CSMD1: variants seen among roughly 807,000 people sequenced by gnomAD.
CSMD1 encodes the protein CUB and sushi domain-containing protein 1.
CSMD1 carries 213 observed loss-of-function variants against 417.5 expected under a neutral mutation model. The observed-to-expected ratio is 0.51, with a 90% CI of 0.46 to 0.57. The LOEUF (loss-of-function observed/expected upper bound fraction) is 0.57, where lower values mean the gene tolerates loss of function less well. Ranked by LOEUF, CSMD1 falls within the 20% of genes least tolerant of loss-of-function variation. The probability of loss-of-function intolerance (pLI) is 0.00; values close to 1 mark genes in which losing one functional copy is unlikely to be tolerated. For missense variants in CSMD1, 6,923 were observed against 4,529.7 expected, an observed-to-expected ratio of 1.53 and a Z score of -15.17; for synonymous variants, 2,862 against 1,736.8, an observed-to-expected ratio of 1.65 and a Z score of -16.11.
chr8:4,553,383 C>A (rs997571237), intron 2 of CSMD1, among the ~76,000 whole-genome samples: 1 of 150,864 alleles, frequency 6.6e-6, no homozygotes, highest in Admixed American at 6.6e-5. Flanking sequence ...TATAAGGCTT[C>A]ATTTTGTATT....
chr8:3,406,096 A>G lies in CSMD1; in HGVS notation c.2197T>C (p.Ser733Pro), dbSNP rs1585115695. ...CDDGFVKTQG[S>P]ESITCILQDG... ...TGCAGTATGCAGGTAATGGACTCGGATCCCTGGGTCTTGACAAAGCCATCA... is the reference window on the plus strand; with the variant it reads ...TGCAGTATGCAGGTAATGGACTCGGGTCCCTGGGTCTTGACAAAGCCATCA... The change falls in exon 15 of 70, where the codon TCC becomes CCC. Residue 733 changes from serine to proline, a missense_variant. Physicochemically the swap from Ser to Pro is moderately conservative, Grantham distance 74. Transcript: ENST00000635120. 1 of 1,613,924 alleles carries G rather than the reference A, an allele frequency of 6.2e-7. No individual in the cohort carries two copies. Among genetic ancestry groups the G allele is most frequent in the Non-Finnish European group, 8.5e-7 (1 of 1,179,878 alleles).
intron 2 of CSMD1, among the ~76,000 whole-genome samples, chr8:4,515,463 T>A (rs551530166): frequency 6.6e-6 from 1 of 152,188 alleles, no homozygotes; most frequent in Non-Finnish European, 1.5e-5. Context: ...ATATCTGATC[T>A]GGATTTAAAA....
At chr8:4,536,701 TA>T (rs901641509) in intron 2 of CSMD1, among the ~76,000 whole-genome samples, 17 of 152,230 alleles carry the variant, frequency 1.1e-4, no homozygotes, top group Non-Finnish European at 2.4e-4. Context: ...AATGCCAGAA[TA>T]AAAAGTTTTG....
At chr8:3,728,712 A>C (rs1032723212) in intron 6 of CSMD1, among the ~76,000 whole-genome samples, 14 of 152,296 alleles carry the variant, frequency 9.2e-5, no homozygotes, top group East Asian at 3.9e-4. Flanking sequence ...CAAATGATGC[A>C]AGTTAAAATG....
chr8:3,284,724 C>T (rs77686109), intron 25 of CSMD1: 4,863 of 218,394 alleles, frequency 0.022, 202 homozygotes, highest in African/African-American at 0.094. Flanking sequence ...AGATGGAAGG[C>T]AGCTTCGGTG....
intron 1 of CSMD1, among the ~76,000 whole-genome samples, chr8:4,782,052 C>G (rs987732644): frequency 3.3e-5 from 5 of 152,142 alleles, no homozygotes; most frequent in Non-Finnish European, 4.4e-5. Context: ...CCACTAAACA[C>G]CAATTATTTC....
intron 2 of CSMD1, among the ~76,000 whole-genome samples, chr8:4,455,059 G>A (rs1160426065): frequency 6.6e-6 from 1 of 152,184 alleles, no homozygotes; most frequent in South Asian, 2.1e-4. Flanking sequence ...CCATGTTTAG[G>A]CTGGGAAACT....
At chr8:3,841,221 G>C (rs1245599287) in intron 5 of CSMD1, among the ~76,000 whole-genome samples, 2 of 152,102 alleles carry the variant, frequency 1.3e-5, no homozygotes, top group South Asian at 2.1e-4. Context: ...CAATAAACTT[G>C]TTTGGAAAGG....
intron 12 of CSMD1, among the ~76,000 whole-genome samples, chr8:3,464,446 G>A (rs1021471138): frequency 6.6e-6 from 1 of 151,926 alleles, no homozygotes; most frequent in Non-Finnish European, 1.5e-5. Flanking sequence ...ACAATCAGTT[G>A]CTATGAGATA....
intron 5 of CSMD1, among the ~76,000 whole-genome samples, chr8:3,839,650 C>T (rs926070899): frequency 1.5e-5 from 2 of 137,608 alleles, no homozygotes; most frequent in Non-Finnish European, 3.1e-5. Flanking sequence ...GACACTTCAA[C>T]TCAGAAAAAA....
chr8:3,128,539 G>A (rs1002020927), intron 41 of CSMD1: 3 of 262,826 alleles, frequency 1.1e-5, no homozygotes, highest in African/African-American at 6.8e-5. Flanking sequence ...TATAAGCTTA[G>A]CTTCTAAATC....
intron 1 of CSMD1, among the ~76,000 whole-genome samples, chr8:4,945,027 A>G (rs1450907129): frequency 6.6e-6 from 1 of 152,212 alleles, no homozygotes; most frequent in Non-Finnish European, 1.5e-5. Flanking sequence ...ATGAATGGAT[A>G]AGCAAAAGGT....
intron 4 of CSMD1, among the ~76,000 whole-genome samples, chr8:4,009,462 G>A (rs934727731): frequency 2.6e-5 from 4 of 152,112 alleles, no homozygotes; most frequent in Admixed American, 6.5e-5. Context: ...AATAAGCTAT[G>A]ATACATTCAA....
At chr8:4,249,988 C>T (rs1220141184) in intron 3 of CSMD1, among the ~76,000 whole-genome samples, 2 of 152,042 alleles carry the variant, frequency 1.3e-5, no homozygotes, top group Admixed American at 6.6e-5. Flanking sequence ...GAGCTGGGAC[C>T]TACTGGGAAG....
intron 7 of CSMD1, among the ~76,000 whole-genome samples, chr8:3,651,201 C>G (rs1026049612): frequency 4.6e-5 from 7 of 152,150 alleles, no homozygotes; most frequent in South Asian, 2.1e-4. Flanking sequence ...ATTCTCAACA[C>G]AGCTCACATG....
chr8:4,722,536 A>G (rs1186640116), intron 1 of CSMD1, among the ~76,000 whole-genome samples: 1 of 152,062 alleles, frequency 6.6e-6, no homozygotes, highest in Non-Finnish European at 1.5e-5. Flanking sequence ...TATGCTCTGA[A>G]TGGGGTAGAA....
intron 1 of CSMD1, among the ~76,000 whole-genome samples, chr8:4,770,319 T>A (rs1563340588): frequency 6.7e-6 from 1 of 148,272 alleles, no homozygotes; most frequent in East Asian, 1.9e-4. Context: ...TTAGCAACTA[T>A]ATATGTACAT....
intron 10 of CSMD1, among the ~76,000 whole-genome samples, chr8:3,524,611 G>A (rs1211918857): frequency 7.0e-6 from 1 of 142,768 alleles, no homozygotes; most frequent in Non-Finnish European, 1.5e-5. Flanking sequence ...CCACACACAT[G>A]CACATACACA....
intron 5 of CSMD1, among the ~76,000 whole-genome samples, chr8:3,927,745 A>C (rs886478860): frequency 2.0e-5 from 3 of 152,210 alleles, no homozygotes; most frequent in African/African-American, 4.8e-5. Flanking sequence ...GAAGATGCTA[A>C]TTTGATTGCG....
Sources: gnomAD v4.1 joint callset for allele counts (sites outside exome capture counted in the v4.1 genomes callset) on GRCh38, gnomAD v4.1.1 for gene constraint, MANE v1.5 for transcripts, NCBI Gene and HGNC (gene_info 2026-07-23, HGNC 2026-07-21) for gene names.